Variants in RGS6 observed in about 807,000 individuals in gnomAD.
The protein encoded by RGS6 is regulator of G protein signaling 6.
Under a neutral mutation model 78.5 loss-of-function variants are expected in RGS6, and 30 were observed. The ratio of observed to expected loss-of-function variants is 0.38; its 90% CI spans 0.29 to 0.52. The LOEUF (loss-of-function observed/expected upper bound fraction) is 0.52, where lower values mean the gene tolerates loss of function less well. Ranked by LOEUF, RGS6 falls within the 20% of genes least tolerant of loss-of-function variation. RGS6 has a pLI of 0.85. For synonymous variants in RGS6, 206 were observed against 206.0 expected (o/e 1.00, Z 0.00); for missense variants, 495 against 609.7 (o/e 0.81, Z 1.98).
chr14:72,163,325 A>C (rs2096878979), intron 2 of RGS6, among the ~76,000 whole-genome samples: 1 of 152,234 alleles, frequency 6.6e-6, no homozygotes, highest in South Asian at 2.1e-4. Flanking sequence ...TGGTTGGTAA[A>C]AGAGAATGAC....
At chr14:72,501,342 C>T (rs1169545512) in intron 13 of RGS6, among the ~76,000 whole-genome samples, 1 of 152,114 alleles carries the variant, frequency 6.6e-6, no homozygotes, top group East Asian at 1.9e-4. Context: ...CTTTCTCCTT[C>T]TCAGACAAGC....
chr14:72,292,944 G>C (rs1287994025), intron 2 of RGS6, among the ~76,000 whole-genome samples: 1 of 152,184 alleles, frequency 6.6e-6, no homozygotes, highest in Non-Finnish European at 1.5e-5. Context: ...AACAGCTCTT[G>C]ATCTCACATG....
chr14:72,386,637 A>G (rs1273383023), intron 3 of RGS6, among the ~76,000 whole-genome samples: 1 of 152,190 alleles, frequency 6.6e-6, no homozygotes, highest in Non-Finnish European at 1.5e-5. Context: ...AAGGGGCAGG[A>G]GCTCAGATGC....
At chr14:72,167,581 A>G (rs1455478553) in intron 2 of RGS6, among the ~76,000 whole-genome samples, 2 of 152,230 alleles carry the variant, frequency 1.3e-5, no homozygotes, top group East Asian at 3.8e-4. Context: ...GTTCTCTGAA[A>G]GGAAACTTTG....
chr14:72,176,925 T>C (rs1236221924), intron 2 of RGS6, among the ~76,000 whole-genome samples: 1 of 152,172 alleles, frequency 6.6e-6, no homozygotes, highest in East Asian at 1.9e-4. Flanking sequence ...AGATAACCAT[T>C]ATTCTGACTT....
rs182414594 is a variant in RGS6, at chr14:72,472,845, A to C, written c.537-27A>C. 3.7e-5 allele frequency: 56 copies of C among 1,530,316 alleles called. No homozygotes were observed. The East Asian group carries it at 1.2e-3, about 34-fold the overall frequency. The allele number at this position is 1,530,316 out of a possible 1,614,324, so 94.8% of individuals were successfully genotyped here. A position where few individuals can be genotyped will look rare whatever the true frequency, so the allele number is the denominator to read the frequency against. On this transcript the variant is annotated intron_variant, in intron 8 of 17. Transcript: ENST00000553525. The stretch of plus-strand genomic sequence containing the variant: ...GGGAAAACAGAATACAGAGCTTCTT[A>C]TTTCCTTCCTCTCTTTACTCTTTCA...
At chr14:72,263,246 G>T (rs2058477124) in intron 2 of RGS6, among the ~76,000 whole-genome samples, 1 of 152,168 alleles carries the variant, frequency 6.6e-6, no homozygotes, top group African/African-American at 2.4e-5. Context: ...TCCAGAGAAG[G>T]TCCAAATTAG....
chr14:72,134,800 G>A (rs925494563), intron 2 of RGS6, among the ~76,000 whole-genome samples: 2 of 152,198 alleles, frequency 1.3e-5, no homozygotes, highest in African/African-American at 4.8e-5. Context: ...TCCCAGGGGA[G>A]GAGGAGGTGG....
the RGS6 span, among the ~76,000 whole-genome samples, chr14:71,879,177 A>G: frequency 1.3e-5 from 2 of 152,244 alleles, no homozygotes; most frequent in Non-Finnish European, 2.9e-5. Flanking sequence ...ATATGGATTT[A>G]TAGAAAAAAT....
At chr14:72,092,227 T>C (rs1219306990) in intron 2 of RGS6, among the ~76,000 whole-genome samples, 1 of 151,134 alleles carries the variant, frequency 6.6e-6, no homozygotes, top group Non-Finnish European at 1.5e-5. Flanking sequence ...GGTTTCACCA[T>C]GTTGGCCAGT....
At chr14:72,358,405 G>A (rs1854723159) in intron 3 of RGS6, among the ~76,000 whole-genome samples, 1 of 152,256 alleles carries the variant, frequency 6.6e-6, no homozygotes, top group African/African-American at 2.4e-5. Context: ...AACACCAGCT[G>A]TGCAAGCAGC....
chr14:72,240,458 A>G lies in RGS6; in HGVS notation c.85-111637A>G, dbSNP rs182706614. Among the ~76,000 whole-genome samples the G allele has an allele frequency of 2.4e-4, 36 of 152,330 alleles. No homozygotes were observed. The East Asian group carries it at 4.0e-3, about 17-fold the overall frequency. ...GCACACAGCACAGAAGCTGAGCTGC[A>G]GTGTAAAGCTTTCAAGTGACTCTTG... On this transcript the variant is annotated intron_variant, in intron 2 of 17. Coordinates refer to ENST00000553525, the MANE Select transcript of RGS6 (RefSeq NM_001204424.2).
chr14:72,380,215 T>C (rs942420184), intron 3 of RGS6, among the ~76,000 whole-genome samples: 1 of 151,918 alleles, frequency 6.6e-6, no homozygotes, highest in Non-Finnish European at 1.5e-5. Context: ...AATATAAAAC[T>C]AGTACAAGAA....
intron 13 of RGS6, among the ~76,000 whole-genome samples, chr14:72,496,808 T>C (rs2096650812): frequency 6.6e-6 from 1 of 152,178 alleles, no homozygotes; most frequent in African/African-American, 2.4e-5. Context: ...TAACATTCTA[T>C]CCTTTTGTAT....
At chr14:72,249,684 G>A (rs1295931127) in intron 2 of RGS6, among the ~76,000 whole-genome samples, 1 of 152,086 alleles carries the variant, frequency 6.6e-6, no homozygotes, top group African/African-American at 2.4e-5. Context: ...ATGGCCTTTT[G>A]GATTTATGCA....
the RGS6 span, among the ~76,000 whole-genome samples, chr14:71,873,928 G>A: frequency 6.6e-6 from 1 of 152,030 alleles, no homozygotes; most frequent in East Asian, 1.9e-4. Flanking sequence ...TTTTTGTCAG[G>A]TTTGTCAAAG....
the RGS6 span, among the ~76,000 whole-genome samples, chr14:72,578,845 G>C: frequency 6.6e-6 from 1 of 152,226 alleles, no homozygotes; most frequent in Non-Finnish European, 1.5e-5. Context: ...CTGATGAAAG[G>C]GATGTTGAGG....
chr14:72,538,783 GT>G (rs1444436709), intron 16 of RGS6, among the ~76,000 whole-genome samples: 1 of 152,240 alleles, frequency 6.6e-6, no homozygotes, highest in African/African-American at 2.4e-5. Flanking sequence ...TGTCGTTTGT[GT>G]TGTATTTTCC....
chr14:72,345,411 C>G (rs369379337), intron 2 of RGS6, among the ~76,000 whole-genome samples: 2 of 152,136 alleles, frequency 1.3e-5, no homozygotes, highest in Admixed American at 6.5e-5. Context: ...TAGGCTTAGC[C>G]GAAAACAAAT....
Sources: allele counts gnomAD v4.1 joint callset (sites outside exome capture counted in the v4.1 genomes callset), GRCh38; gene constraint gnomAD v4.1.1; transcripts MANE v1.5; gene names NCBI Gene and HGNC (gene_info 2026-07-23, HGNC 2026-07-21).